Variants in SAMD4A observed in about 807,000 individuals in gnomAD.
SAMD4A encodes the protein sterile alpha motif domain containing 4A.
SAMD4A carries 33 observed loss-of-function variants against 81.3 expected under a neutral mutation model. The observed-to-expected ratio is 0.41, with a 90% CI of 0.31 to 0.54. The LOEUF (loss-of-function observed/expected upper bound fraction) is 0.54. Among genes scored for constraint, SAMD4A ranks in the 20% least tolerant of loss-of-function variants. The pLI, the probability that SAMD4A is intolerant of heterozygous loss-of-function variation, is 0.37. For missense variants in SAMD4A, 854 were observed against 951.1 expected, an observed-to-expected ratio of 0.90 and a Z score of 1.34; for synonymous variants, 389 against 382.1, an observed-to-expected ratio of 1.02 and a Z score of -0.21.
At chr14:54,625,813 G>C (rs1249758416) in intron 2 of SAMD4A, among the ~76,000 whole-genome samples, 3 of 152,128 alleles carry the variant, frequency 2.0e-5, no homozygotes, top group Admixed American at 1.3e-4. Context: ...ACTCTTACTT[G>C]ACTTTGCCTA....
chr14:54,713,524 T>TA (rs1415896202), intron 3 of SAMD4A, among the ~76,000 whole-genome samples: 2 of 152,140 alleles, frequency 1.3e-5, no homozygotes, highest in Non-Finnish European at 2.9e-5. Context: ...TACTCCAGGG[T>TA]AGTCATTCCT....
At chr14:54,608,116 C>A (rs892311455) in intron 2 of SAMD4A, among the ~76,000 whole-genome samples, 1 of 152,042 alleles carries the variant, frequency 6.6e-6, no homozygotes, top group South Asian at 2.1e-4. Context: ...AGAGAGCAAA[C>A]CATTTGGACT....
rs114596371 is a variant in SAMD4A at position 54,770,070 on chromosome 14, G to A, written c.1597-34G>A. 1,062 of 1,362,182 alleles carry A rather than the reference G, an allele frequency of 7.8e-4. 6 individuals carry two copies. In the African/African-American group the frequency reaches 0.012, roughly 16 times the overall value. The allele number at this position is 1,362,182 out of a possible 1,614,324, so 84.4% of individuals were successfully genotyped here. A position where few individuals can be genotyped will look rare whatever the true frequency, so the allele number is the denominator to read the frequency against. On this transcript the variant is annotated intron_variant, in intron 8 of 12. Transcript: ENST00000554335. The stretch of plus-strand genomic sequence containing the variant: ...GTTTCTCCCTCTAATGCCAGGCTGC[G>A]TCACCCATTTAAAAGTCCTGTTTGT...
At chr14:54,645,413 A>G (rs2140400759) in intron 2 of SAMD4A, among the ~76,000 whole-genome samples, 1 of 152,358 alleles carries the variant, frequency 6.6e-6, no homozygotes, top group African/African-American at 2.4e-5. Context: ...GGAGCCATAT[A>G]TAACTATGCA....
chr14:54,740,138 C>G (rs2037809899), intron 4 of SAMD4A, among the ~76,000 whole-genome samples: 1 of 152,190 alleles, frequency 6.6e-6, no homozygotes, highest in South Asian at 2.1e-4. Flanking sequence ...CCACTGCACT[C>G]CAGCCTGGGC....
chr14:54,770,711 A>C (rs575207906), intron 9 of SAMD4A, among the ~76,000 whole-genome samples: 1 of 152,386 alleles, frequency 6.6e-6, no homozygotes, highest in African/African-American at 2.4e-5. Context: ...ATAGTGGAGC[A>C]GTACAATTCT....
chr14:54,706,651 G>T (rs575383392), intron 3 of SAMD4A, among the ~76,000 whole-genome samples: 1 of 151,754 alleles, frequency 6.6e-6, no homozygotes, highest in African/African-American at 2.4e-5. Flanking sequence ...GAAAGAAAAA[G>T]CAAGCTTTTG....
chr14:54,595,214 C>T (rs550380717), intron 2 of SAMD4A, among the ~76,000 whole-genome samples: 28 of 152,248 alleles, frequency 1.8e-4, no homozygotes, highest in African/African-American at 6.0e-4. Context: ...TTTTAGTTCA[C>T]TCTACAGACT....
chr14:54,688,424 G>T, intron 2 of SAMD4A: 1 of 930,038 alleles, frequency 1.1e-6, no homozygotes, highest in South Asian at 5.0e-5. Flanking sequence ...GTGAGCCTGT[G>T]GTAAAGATGC....
chr14:54,737,140 G>A lies in SAMD4A; in HGVS notation c.832G>A (p.Ala278Thr). ...HGWMSHEDLR[A>T]RGPQCLPSDH... ...ATGGATGTCTCATGAGGACTTACGAGCTAGAGGACCCCAGTGCCTCCCATC... is the reference window on the plus strand; with the variant it reads ...ATGGATGTCTCATGAGGACTTACGAACTAGAGGACCCCAGTGCCTCCCATC... Residue 278 changes from alanine (A) to threonine (T), a missense_variant, in exon 4 of 13, where the codon GCT becomes ACT. Coordinates refer to ENST00000554335, the MANE Select transcript of SAMD4A (RefSeq NM_015589.6). 2 of 1,614,124 alleles carry A rather than the reference G, an allele frequency of 1.2e-6. No homozygotes were observed. Among genetic ancestry groups the A allele is most frequent in the Non-Finnish European group, 1.7e-6 (2 of 1,180,024 alleles).
intron 2 of SAMD4A, among the ~76,000 whole-genome samples, chr14:54,582,246 G>GT (rs200173864): frequency 0.06 from 9,020 of 149,184 alleles, 416 homozygotes; most frequent in African/African-American, 0.13. Flanking sequence ...TGCTGCTGCT[G>GT]TTTTTTTTTT....
intron 2 of SAMD4A, among the ~76,000 whole-genome samples, chr14:54,588,616 A>G (rs1362516155): frequency 1.3e-5 from 2 of 152,108 alleles, no homozygotes; most frequent in Non-Finnish European, 2.9e-5. Flanking sequence ...TACAATGGAT[A>G]TTGTTAAAAA....
chr14:54,605,507 T>C (rs541215312), intron 2 of SAMD4A, among the ~76,000 whole-genome samples: 1 of 152,268 alleles, frequency 6.6e-6, no homozygotes, highest in South Asian at 2.1e-4. Context: ...GGTAGAAAAC[T>C]TTCAGTAGCC....
At chr14:54,733,649 T>G (rs1308772839) in intron 3 of SAMD4A, among the ~76,000 whole-genome samples, 1 of 152,156 alleles carries the variant, frequency 6.6e-6, no homozygotes, top group Non-Finnish European at 1.5e-5. Flanking sequence ...TTTGGCAGCA[T>G]TTGAATAGGA....
chr14:54,599,777 G>C (rs1465532700), intron 2 of SAMD4A, among the ~76,000 whole-genome samples: 1 of 152,200 alleles, frequency 6.6e-6, no homozygotes, highest in East Asian at 1.9e-4. Flanking sequence ...TTGGTAGCAA[G>C]AGCAACACTA....
chr14:54,672,798 T>G (rs2035913210), intron 2 of SAMD4A, among the ~76,000 whole-genome samples: 1 of 152,240 alleles, frequency 6.6e-6, no homozygotes, highest in South Asian at 2.1e-4. Flanking sequence ...AATGTCTGTC[T>G]GTAACATGGG....
At chr14:54,710,784 G>A (rs767333703) in intron 3 of SAMD4A, among the ~76,000 whole-genome samples, 4 of 152,152 alleles carry the variant, frequency 2.6e-5, no homozygotes, top group African/African-American at 4.8e-5. Flanking sequence ...GTTTTTGGTC[G>A]CCATGTTCAC....
chr14:54,730,869 G>A (rs2037543920), intron 3 of SAMD4A, among the ~76,000 whole-genome samples: 1 of 152,152 alleles, frequency 6.6e-6, no homozygotes, highest in African/African-American at 2.4e-5. Flanking sequence ...CCACCACAGG[G>A]CTTCAGATTA....
At chr14:54,677,904 T>C (rs2036026688) in intron 2 of SAMD4A, among the ~76,000 whole-genome samples, 1 of 152,234 alleles carries the variant, frequency 6.6e-6, no homozygotes, top group Non-Finnish European at 1.5e-5. Flanking sequence ...AAATAGCTTC[T>C]AATGTTCTTC....
Sources: gnomAD v4.1 joint callset for allele counts (sites outside exome capture counted in the v4.1 genomes callset) on GRCh38, gnomAD v4.1.1 for gene constraint, MANE v1.5 for transcripts, NCBI Gene and HGNC (gene_info 2026-07-23, HGNC 2026-07-21) for gene names.